Variants in CD83 observed in about 807,000 individuals in gnomAD.
CD83 encodes the protein CD83 antigen.
In CD83, 22 loss-of-function variants were observed where a neutral mutation model predicts 24.6. The ratio of observed to expected loss-of-function variants is 0.90; its 90% CI spans 0.64 to 1.28. CD83 has a LOEUF of 1.28. Ranked by LOEUF, CD83 falls within the 50% of genes most tolerant of loss-of-function variation. The pLI is 0.00. For synonymous variants in CD83, 101 were observed against 103.5 expected (o/e 0.98, Z 0.14); for missense variants, 253 against 252.8 (o/e 1.00, Z -0.01).
intron 2 of CD83, among the ~76,000 whole-genome samples, chr6:14,126,399 A>G (rs1247050410): frequency 6.6e-6 from 1 of 152,124 alleles, no homozygotes; most frequent in Non-Finnish European, 1.5e-5. Context: ...GTGAGATGTG[A>G]TCACCCCCAG....
At chr6:14,131,824 C>T in intron 3 of CD83, 76 bp downstream of exon 3, 1 of 1,001,212 alleles carries the variant, frequency 1.0e-6, no homozygotes, top group Non-Finnish European at 1.6e-6. Context: ...AATCGTTCCT[C>T]TCTTTTGGAG....
At chr6:14,128,942 T>C (rs1162854066) in intron 2 of CD83, among the ~76,000 whole-genome samples, 1 of 152,210 alleles carries the variant, frequency 6.6e-6, no homozygotes, top group Non-Finnish European at 1.5e-5. Context: ...CCTTTTTGCT[T>C]CAACAGTTCC....
chr6:14,124,712 A>C (rs1047782513), intron 2 of CD83, among the ~76,000 whole-genome samples: 30 of 152,190 alleles, frequency 2.0e-4, no homozygotes, highest in Non-Finnish European at 4.4e-4. Flanking sequence ...AGAAGGAAAT[A>C]TATTGGCTTA....
In CD83 at chr6:14,117,996, C is replaced by T. The variant is rs780990603; in HGVS notation, c.84C>T (p.Ser28=). 2.5e-6 allele frequency: 4 copies of T among 1,611,370 alleles called. No individual in the cohort carries two copies. In the African/African-American group the frequency reaches 4.0e-5, roughly 16 times the overall value. ...CGCCGGAGGTGAAGGTGGCTTGCTCCGAAGATGTGGACTTGCCCTGCACCG... is the reference window on the plus strand; with the variant it reads ...CGCCGGAGGTGAAGGTGGCTTGCTCTGAAGATGTGGACTTGCCCTGCACCG... ...PATPEVKVAC[S]EDVDLPCTAP... The change falls in exon 2 of 5, where the codon TCC becomes TCT. Residue 28 remains serine (S), a synonymous_variant. Transcript: ENST00000379153. This position sits in a 1 kb window ranked among gnomAD's most constrained non-coding sequence, Gnocchi z 4.6.
intron 2 of CD83, among the ~76,000 whole-genome samples, chr6:14,123,244 C>A (rs1039859604): frequency 2.0e-5 from 3 of 151,774 alleles, no homozygotes; most frequent in Non-Finnish European, 4.4e-5. Context: ...ATTACAGGTG[C>A]CCACCACCAT....
intron 3 of CD83, among the ~76,000 whole-genome samples, chr6:14,133,343 G>A (rs554407610): frequency 5.3e-5 from 8 of 152,226 alleles, no homozygotes; most frequent in Non-Finnish European, 1.0e-4. Context: ...TGGCTCAGCC[G>A]CCTTGGTCCT....
rs1759909049 is a variant in CD83 at position 14,129,954 on chromosome 6, C to T, written c.154-1566C>T. 6.6e-6 allele frequency among the ~76,000 whole-genome samples: 1 copy of T among 152,016 alleles called. No individual in the cohort carries two copies. Among genetic ancestry groups the T allele is most frequent in the African/African-American group, 2.4e-5 (1 of 41,360 alleles). ...CCTAACTCCTTGGTTATCTCTTTCC[C>T]TACACTGAGTTCCTTCCTAAAAGTC... On this transcript the variant is annotated intron_variant, in intron 2 of 4. Transcript: ENST00000379153. This position sits in a 1 kb window ranked among gnomAD's most constrained non-coding sequence, Gnocchi z 4.3.
At chr6:14,127,756 T>C (rs1283575635) in intron 2 of CD83, among the ~76,000 whole-genome samples, 1 of 152,192 alleles carries the variant, frequency 6.6e-6, no homozygotes, top group Non-Finnish European at 1.5e-5. Flanking sequence ...GTCCCCAGGC[T>C]TTCTGAAAAT....
At chr6:14,127,674 A>G (rs1398448986) in intron 2 of CD83, among the ~76,000 whole-genome samples, 1 of 152,186 alleles carries the variant, frequency 6.6e-6, no homozygotes, top group African/African-American at 2.4e-5. Context: ...CTTAAGGTCA[A>G]ATCTCCATTT....
intron 2 of CD83, among the ~76,000 whole-genome samples, chr6:14,127,410 G>T (rs899250169): frequency 6.6e-6 from 1 of 151,858 alleles, no homozygotes; most frequent in African/African-American, 2.4e-5. Context: ...AATGTAGGAG[G>T]TTGGCATATA....
intron 2 of CD83, among the ~76,000 whole-genome samples, chr6:14,122,770 A>G (rs776186471): frequency 1.3e-5 from 2 of 152,202 alleles, no homozygotes; most frequent in Admixed American, 6.5e-5. Context: ...TCATATTTAC[A>G]CTTTCATTGT....
At chr6:14,120,321 A>G (rs1267055857) in intron 2 of CD83, among the ~76,000 whole-genome samples, 1 of 152,200 alleles carries the variant, frequency 6.6e-6, no homozygotes, top group Non-Finnish European at 1.5e-5. Flanking sequence ...TTCATTGATT[A>G]TGCTTATACA....
chr6:14,117,479 C>T (rs1438234278), upstream of CD83, among the ~76,000 whole-genome samples: 1 of 151,546 alleles, frequency 6.6e-6, no homozygotes, highest in Non-Finnish European at 1.5e-5. This position sits in a 1 kb window ranked among gnomAD's most constrained non-coding sequence, Gnocchi z 4.6. Flanking sequence ...CGCTGGGCGT[C>T]ACGCGGGGAT....
In CD83 at chr6:14,118,231, C is replaced by A. The variant is rs917007982; in HGVS notation, c.153+166C>A. Among the ~76,000 whole-genome samples, 6 of 152,196 alleles carry A rather than the reference C, an allele frequency of 3.9e-5. No individual in the cohort carries two copies. In the South Asian group the frequency reaches 8.3e-4, roughly 21 times the overall value. On this transcript the variant is annotated intron_variant, in intron 2 of 4. Transcript: ENST00000379153. ...AGCCTCCCGTCGCGCCTCCCCCACC[C>A]CATCCGCATCCAGGTACAGGGCCGA... is the stretch of plus-strand genomic sequence containing the variant.
intron 4 of CD83, 75 bp downstream of exon 4, chr6:14,133,830 A>G: frequency 1.0e-6 from 1 of 953,944 alleles, no homozygotes; most frequent in Non-Finnish European, 1.6e-6. Context: ...TCTTGCAGAT[A>G]GTGCGAATCA....
intron 3 of CD83, among the ~76,000 whole-genome samples, chr6:14,132,216 G>A (rs1757927339): frequency 1.3e-5 from 2 of 152,134 alleles, no homozygotes; most frequent in Admixed American, 1.3e-4. Context: ...TAGTACAACT[G>A]GCATGTTATG....
chr6:14,131,489 A>C, intron 2 of CD83, 31 bp from the exon 3 acceptor site: 1 of 1,527,530 alleles, frequency 6.5e-7, no homozygotes, highest in East Asian at 2.3e-5. Context: ...CTTGCAGTGG[A>C]CCGTGATGCG....
intron 2 of CD83, among the ~76,000 whole-genome samples, chr6:14,119,484 C>T (rs1759622704): frequency 6.6e-6 from 1 of 152,168 alleles, no homozygotes; most frequent in African/African-American, 2.4e-5. Context: ...GAAGAATGGA[C>T]TTAGGGATTA....
At position 14,117,838 on chromosome 6, in the gene CD83, C is replaced by T; in HGVS notation, c.27C>T (p.Leu9=). The T allele has an allele frequency of 1.3e-6, 2 of 1,574,932 alleles. No individual in the cohort carries two copies. Among genetic ancestry groups the T allele is most frequent in the Non-Finnish European group, 1.7e-6 (2 of 1,168,046 alleles). The change falls in exon 1 of 5, where the codon CTC becomes CTT. Residue 9 remains leucine, a synonymous_variant. Coordinates refer to ENST00000379153, the MANE Select transcript of CD83 (RefSeq NM_004233.4). The surrounding 1 kb of genome is among the most constrained non-coding windows in gnomAD (Gnocchi z 4.6). ...TGTCGCGCGGCCTCCAGCTTCTGCT[C>T]CTGAGCTGCGGTAGGGCTCGCGAGC... MSRGLQLL[L]LSCAYSLAPA... is the part of the protein sequence containing the mutation.
Sources: allele counts gnomAD v4.1 joint callset (sites outside exome capture counted in the v4.1 genomes callset), GRCh38; gene constraint gnomAD v4.1.1; non-coding constraint Gnocchi (gnomAD v3.1); transcripts MANE v1.5; gene names NCBI Gene and HGNC (gene_info 2026-07-23, HGNC 2026-07-21).